The following ANK3 variants were observed in gnomAD, a reference collection of about 807,000 sequenced individuals.
ANK3 encodes the protein ankyrin 3, also known as ankyrin-3.
A neutral mutation model predicts 370.9 loss-of-function variants in ANK3; 57 were observed. The ratio of observed to expected loss-of-function variants is 0.15; its 90% confidence interval spans 0.12 to 0.19. The LOEUF is 0.19. Ranked by LOEUF, ANK3 falls within the 10% of genes least tolerant of loss-of-function variation. The pLI is 1.00. For missense variants in ANK3, 4,439 were observed against 5,302.1 expected, an observed-to-expected ratio of 0.84 and a Z score of 5.06; for synonymous variants, 1,929 against 1,946.3, an observed-to-expected ratio of 0.99 and a Z score of 0.23.
chr10:60,692,195 A>G (rs1293344592), intron 1 of ANK3, among the ~76,000 whole-genome samples: 1 of 152,206 alleles, frequency 6.6e-6, no homozygotes, highest in Non-Finnish European at 1.5e-5. Context: ...CATTCTTGTG[A>G]AGACAATATC....
chr10:60,403,578 AT>A, intron 2 of ANK3, among the ~76,000 whole-genome samples: 1 of 152,280 alleles, frequency 6.6e-6, no homozygotes, highest in African/African-American at 2.4e-5. Context: ...GCCCTTTTTA[AT>A]TTTTATTTAT....
At chr10:60,135,045 CCCTTGAACTTCT>C (rs1565230042) in intron 24 of ANK3, among the ~76,000 whole-genome samples, 1 of 152,188 alleles carries the variant, frequency 6.6e-6, no homozygotes, top group Non-Finnish European at 1.5e-5. Flanking sequence ...CTCCATATGG[CCCTTGAACTTCT>C]CAGATGCAGG....
intron 25 of ANK3, among the ~76,000 whole-genome samples, chr10:60,127,184 G>A (rs1284273722): frequency 6.6e-6 from 1 of 152,178 alleles, no homozygotes; most frequent in Non-Finnish European, 1.5e-5. Context: ...TCTCAAATTT[G>A]AGTCTCACTA....
intron 1 of ANK3, among the ~76,000 whole-genome samples, chr10:60,688,030 G>C (rs1014540220): frequency 7.9e-5 from 12 of 152,068 alleles, no homozygotes; most frequent in African/African-American, 2.2e-4. Context: ...GAATCAAAGA[G>C]TGAAATGGTG....
chr10:60,651,380 C>T (rs903009183), intron 1 of ANK3, among the ~76,000 whole-genome samples: 2 of 152,166 alleles, frequency 1.3e-5, no homozygotes, highest in African/African-American at 4.8e-5. Context: ...ACTGTTTCAG[C>T]AAGGGCCTCA....
rs1026874618 is a variant in ANK3, at chr10:60,697,133, T to G, written c.57+36130A>C. 6.0e-4 allele frequency among the ~76,000 whole-genome samples: 92 copies of G among 152,106 alleles called. 1 individual carries two copies. The highest frequency in any genetic ancestry group is 5.6e-3 in the East Asian group (29 of 5,172). Reference sequence around the variant, plus strand: ...AACAGACAAACGGAGAGCCAAATCATGAGTGAACTCCCATTCACAGTTGCT... The same window carrying G: ...AACAGACAAACGGAGAGCCAAATCAGGAGTGAACTCCCATTCACAGTTGCT... On this transcript the variant is annotated intron_variant, in intron 1 of 43. Transcript: ENST00000373827.
intron 2 of ANK3, among the ~76,000 whole-genome samples, chr10:60,481,440 C>T (rs1567078777): frequency 6.6e-6 from 1 of 151,558 alleles, no homozygotes; most frequent in Non-Finnish European, 1.5e-5. Context: ...TTCCGTAGTT[C>T]CTATTGGCTA....
intron 7 of ANK3, among the ~76,000 whole-genome samples, chr10:60,239,418 G>A (rs531136139): frequency 6.6e-6 from 1 of 152,106 alleles, no homozygotes; most frequent in South Asian, 2.1e-4. Context: ...CTCATACAGA[G>A]AACAAAGATA....
rs1251047982 is a variant in ANK3, at chr10:60,075,844, C to T, written c.5037G>A (p.Val1679=). The T allele has an allele frequency of 1.9e-6, 3 of 1,613,982 alleles. No individual in the cohort carries two copies. The highest frequency in any genetic ancestry group is 4.5e-5 in the East Asian group (2 of 44,892). Residue 1679 remains valine, a synonymous_variant, in exon 37 of 44, where the codon GTG becomes GTA. Coordinates refer to ENST00000280772, the MANE Select transcript of ANK3 (RefSeq NM_020987.5). ...CATCAACTGCTGATTTAACTGGAGA[C>T]ACCACTGACTTTAAAGGTGAAGATA... ...PLISSPLKSV[V]SPVKSAVDVI...
chr10:60,424,072 T>A (rs1341319722), intron 2 of ANK3, among the ~76,000 whole-genome samples: 2 of 152,036 alleles, frequency 1.3e-5, no homozygotes, highest in African/African-American at 2.4e-5. Flanking sequence ...TATGCTATGA[T>A]AAAATCAGAG....
intron 4 of ANK3, among the ~76,000 whole-genome samples, chr10:60,272,275 A>T (rs1169182952): frequency 6.6e-6 from 1 of 152,112 alleles, no homozygotes; most frequent in East Asian, 1.9e-4. Flanking sequence ...AGATCATTAC[A>T]TCCTTAGTTA....
chr10:60,505,893 T>C (rs2075926136), intron 2 of ANK3, among the ~76,000 whole-genome samples: 1 of 152,146 alleles, frequency 6.6e-6, no homozygotes, highest in South Asian at 2.1e-4. Context: ...CAACCTATTG[T>C]GGTTTACACA....
At chr10:60,383,949 C>T (rs923546154) in intron 1 of ANK3, among the ~76,000 whole-genome samples, 3 of 152,104 alleles carry the variant, frequency 2.0e-5, no homozygotes, top group African/African-American at 7.2e-5. Flanking sequence ...TATATTGTGG[C>T]TGACCTTAAA....
At chr10:60,031,487 CTTG>C (rs2073545560) in intron 43 of ANK3, among the ~76,000 whole-genome samples, 1 of 152,180 alleles carries the variant, frequency 6.6e-6, no homozygotes, top group South Asian at 2.1e-4. Context: ...GTCTCTCCTC[CTTG>C]TTTAGTGTGA....
intron 2 of ANK3, among the ~76,000 whole-genome samples, chr10:60,581,032 T>C (rs968983223): frequency 6.6e-6 from 1 of 152,214 alleles, no homozygotes; most frequent in African/African-American, 2.4e-5. Flanking sequence ...GCCTGTAAGC[T>C]CCTGGAACAA....
chr10:60,051,473 A>G, intron 42 of ANK3: 1 of 984,788 alleles, frequency 1.0e-6, no homozygotes, highest in South Asian at 4.7e-5. Flanking sequence ...GCTACAGGAT[A>G]CCTTTATAAT....
At chr10:60,147,725 C>T (rs993731676) in intron 23 of ANK3, among the ~76,000 whole-genome samples, 7 of 152,074 alleles carry the variant, frequency 4.6e-5, no homozygotes, top group African/African-American at 1.7e-4. Flanking sequence ...CCTCCTGCAC[C>T]GGCCTTGTAA....
chr10:60,378,284 T>C (rs1398393186), intron 1 of ANK3, among the ~76,000 whole-genome samples: 1 of 152,196 alleles, frequency 6.6e-6, no homozygotes. Context: ...TCATCTAAAC[T>C]CTAAAAATTA....
chr10:60,342,941 T>C (rs1277085329), intron 1 of ANK3, among the ~76,000 whole-genome samples: 1 of 152,188 alleles, frequency 6.6e-6, no homozygotes, highest in Non-Finnish European at 1.5e-5. Context: ...CAGTCGTGTG[T>C]TTGTTTACTC....
Sources: gnomAD v4.1 joint callset for allele counts (sites outside exome capture counted in the v4.1 genomes callset) on GRCh38, gnomAD v4.1.1 for gene constraint, MANE v1.5 for transcripts, NCBI Gene and HGNC (gene_info 2026-07-23, HGNC 2026-07-21) for gene names.